Variants in GRM7 observed in about 807,000 individuals in gnomAD.
GRM7 encodes the protein metabotropic glutamate receptor 7.
A neutral mutation model predicts 84.5 loss-of-function variants in GRM7; 35 were observed. The observed-to-expected ratio is 0.41, with a 90% CI of 0.32 to 0.55. The LOEUF is 0.55. GRM7 is among the 20% of genes least tolerant of loss of function. GRM7 has a pLI of 0.19. For synonymous variants in GRM7, 487 were observed against 455.1 expected, an observed-to-expected ratio of 1.07 and a Z score of -0.89; for missense variants, 1,003 against 1,194.6, an observed-to-expected ratio of 0.84 and a Z score of 2.36.
In GRM7 at chr3:7,255,678, T is replaced by G. The variant is rs558708780; in HGVS notation, c.737-43006T>G. 3.9e-5 allele frequency among the ~76,000 whole-genome samples: 6 copies of G among 152,286 alleles called. No individual in the cohort carries two copies. In the South Asian group the frequency reaches 1.2e-3, roughly 32 times the overall value. ...GAAGGCATGGAGGAGAGAAGTGAGT[T>G]GGGTGAAATTTCTAGCGGTAATAGC... On this transcript the variant is annotated intron_variant, in intron 2 of 9. Transcript: ENST00000357716.
At chr3:6,879,507 T>TA (rs1454838941) in intron 1 of GRM7, among the ~76,000 whole-genome samples, 1 of 152,208 alleles carries the variant, frequency 6.6e-6, no homozygotes, top group Non-Finnish European at 1.5e-5. Context: ...TATACAGGGG[T>TA]AAAATGTTGT....
At chr3:7,042,902 A>G (rs1375365330) in intron 1 of GRM7, among the ~76,000 whole-genome samples, 1 of 152,120 alleles carries the variant, frequency 6.6e-6, no homozygotes, top group Non-Finnish European at 1.5e-5. Context: ...ATATTTTTAC[A>G]AGTATTTCTG....
In GRM7 at chr3:6,863,572, C is replaced by T. The variant is rs1052561211; in HGVS notation, c.519+1665C>T. On this transcript the variant is annotated intron_variant, in intron 1 of 9. Coordinates refer to ENST00000357716, the MANE Select transcript of GRM7 (RefSeq NM_000844.4). This position sits in a 1 kb window ranked among gnomAD's most constrained non-coding sequence, Gnocchi z 4.8. ...CAGGTCTGCAAACCCAAAAGTGCTT[C>T]GGGGCTAGCCATCACTCTGAGTTCC... Among the ~76,000 whole-genome samples, 2 of 152,142 alleles carry T rather than the reference C, an allele frequency of 1.3e-5. No homozygotes were observed. Among genetic ancestry groups the T allele is most frequent in the African/African-American group, 4.8e-5 (2 of 41,438 alleles).
chr3:7,680,275 G>A lies in GRM7; in HGVS notation c.2678G>A (p.Cys893Tyr). 6.2e-7 allele frequency: 1 copy of A among 1,614,152 alleles called. No individual in the cohort carries two copies. Among genetic ancestry groups the A allele is most frequent in the Non-Finnish European group, 8.5e-7 (1 of 1,179,982 alleles). Residue 893 changes from cysteine to tyrosine, a missense_variant, in exon 9 of 10, where the codon TGT (cysteine) becomes TAT (tyrosine). Coordinates refer to ENST00000357716, the MANE Select transcript of GRM7 (RefSeq NM_000844.4). ...RPNGEAKTELCENVDPNSPAA... is the reference protein window; with the variant it reads ...RPNGEAKTELYENVDPNSPAA... ...AACGGTGAGGCAAAGACCGAGCTCT[G>A]TGAAAACGTAGACCCAAACAGTAAG...
At chr3:7,703,386 G>A (rs143752793) in intron 9 of GRM7, among the ~76,000 whole-genome samples, 379 of 152,030 alleles carry the variant, frequency 2.5e-3, no homozygotes, top group African/African-American at 6.8e-3. Context: ...GGTCCTCATC[G>A]ATGTTCTTAC....
At chr3:7,425,033 T>C (rs891383486) in intron 5 of GRM7, among the ~76,000 whole-genome samples, 4 of 152,160 alleles carry the variant, frequency 2.6e-5, no homozygotes. Flanking sequence ...TCTCCTCTCA[T>C]GCCTAGTTGC....
intron 2 of GRM7, among the ~76,000 whole-genome samples, chr3:7,253,696 T>C (rs1443589531): frequency 6.6e-6 from 1 of 151,642 alleles, no homozygotes; most frequent in Non-Finnish European, 1.5e-5. Context: ...TCCCACCTTA[T>C]AGCTCAGGAA....
At chr3:7,189,476 G>C (rs535566146) in intron 2 of GRM7, among the ~76,000 whole-genome samples, 1 of 152,242 alleles carries the variant, frequency 6.6e-6, no homozygotes, top group Non-Finnish European at 1.5e-5. Context: ...GTCATTGCCT[G>C]GCATATAGCA....
chr3:7,544,413 C>T (rs1030332027), intron 7 of GRM7, among the ~76,000 whole-genome samples: 1 of 152,080 alleles, frequency 6.6e-6, no homozygotes, highest in Non-Finnish European at 1.5e-5. Flanking sequence ...TCCTCAGCCT[C>T]GCAAAGCACC....
At chr3:7,206,012 C>T (rs999619069) in intron 2 of GRM7, among the ~76,000 whole-genome samples, 3 of 152,060 alleles carry the variant, frequency 2.0e-5, no homozygotes, top group African/African-American at 7.2e-5. Flanking sequence ...ATACTCTGGT[C>T]GTAACTCAAA....
chr3:6,940,316 T>C (rs1021408411), intron 1 of GRM7, among the ~76,000 whole-genome samples: 2 of 152,290 alleles, frequency 1.3e-5, no homozygotes, highest in Admixed American at 6.5e-5. Context: ...GGTCTCGATC[T>C]CTTGACCTCA....
Position 7,163,812 on chromosome 3 carries a change from A to G in GRM7, c.736+17144A>G, listed in dbSNP as rs545080092. 1.2e-4 allele frequency among the ~76,000 whole-genome samples: 19 copies of G among 152,332 alleles called. No homozygotes were observed. The East Asian group carries it at 1.4e-3, about 11-fold the overall frequency. ...TTGTTACTTTCAAAGAAAGTATCTC[A>G]TTATGTGGAATGATTTAGTTGAAGT... On this transcript the variant is annotated intron_variant, in intron 2 of 9. Transcript: ENST00000357716.
At chr3:7,503,794 T>G (rs897734832) in intron 7 of GRM7, among the ~76,000 whole-genome samples, 3 of 152,178 alleles carry the variant, frequency 2.0e-5, no homozygotes, top group African/African-American at 7.2e-5. Context: ...ACTGTCAGCT[T>G]TTTCAGGCCA....
chr3:7,533,899 G>A (rs1287732949), intron 7 of GRM7, among the ~76,000 whole-genome samples: 1 of 151,756 alleles, frequency 6.6e-6, no homozygotes, highest in South Asian at 2.1e-4. Context: ...GATTTACTAC[G>A]TTCCTACCAC....
At chr3:6,913,654 C>T (rs980319316) in intron 1 of GRM7, among the ~76,000 whole-genome samples, 3 of 152,132 alleles carry the variant, frequency 2.0e-5, no homozygotes, top group African/African-American at 7.2e-5. Flanking sequence ...TGGTTTCATT[C>T]TTTATTCATA....
intron 6 of GRM7, among the ~76,000 whole-genome samples, chr3:7,455,416 G>A (rs1326514963): frequency 1.3e-5 from 2 of 152,094 alleles, no homozygotes; most frequent in African/African-American, 4.8e-5. Context: ...GTAGCTCTGT[G>A]GTGGAGAAAA....
intron 2 of GRM7, among the ~76,000 whole-genome samples, chr3:7,289,315 T>C (rs1699537998): frequency 6.6e-6 from 1 of 152,192 alleles, no homozygotes; most frequent in South Asian, 2.1e-4. Context: ...TACCAGCTGT[T>C]GAAAAGAACG....
At chr3:7,491,028 G>C (rs955631313) in intron 7 of GRM7, among the ~76,000 whole-genome samples, 1 of 151,828 alleles carries the variant, frequency 6.6e-6, no homozygotes, top group African/African-American at 2.4e-5. Context: ...TGTTTTACCT[G>C]AATGGAATAT....
chr3:7,127,892 T>G (rs1693454128), intron 1 of GRM7, among the ~76,000 whole-genome samples: 1 of 152,106 alleles, frequency 6.6e-6, no homozygotes, highest in Non-Finnish European at 1.5e-5. Flanking sequence ...TTAATATGCT[T>G]AATGACTTGC....
Sources: gnomAD v4.1 joint callset for allele counts (sites outside exome capture counted in the v4.1 genomes callset) on GRCh38, gnomAD v4.1.1 for gene constraint, Gnocchi (gnomAD v3.1) non-coding constraint, MANE v1.5 for transcripts, NCBI Gene and HGNC (gene_info 2026-07-23, HGNC 2026-07-21) for gene names.